RNF169: variants seen among roughly 807,000 people sequenced by gnomAD.
RNF169 encodes ring finger protein 169.
RNF169 carries 24 observed loss-of-function variants against 53.9 expected under a neutral mutation model. That is an observed-to-expected ratio of 0.45 (90% confidence interval 0.32 to 0.63). The LOEUF is 0.63. Ranked by LOEUF, RNF169 falls within the 20% of genes least tolerant of loss-of-function variation. The pLI, the probability that RNF169 is intolerant of heterozygous loss-of-function variation, is 0.04. For synonymous variants in RNF169, 396 were observed against 363.5 expected, an observed-to-expected ratio of 1.09 and a Z score of -1.02; for missense variants, 883 against 906.2, an observed-to-expected ratio of 0.97 and a Z score of 0.33.
chr11:74,769,119 G>A (rs968804810), intron 1 of RNF169, among the ~76,000 whole-genome samples: 5 of 152,174 alleles, frequency 3.3e-5, no homozygotes. Context: ...GATAGTTGCA[G>A]TGAAGTAACT....
At chr11:74,789,137 T>C (rs992376418) in intron 1 of RNF169, among the ~76,000 whole-genome samples, 1 of 152,232 alleles carries the variant, frequency 6.6e-6, no homozygotes. Flanking sequence ...CCGTAGTGGT[T>C]GGAAAAGGTT....
chr11:74,758,312 T>C (rs111326159), intron 1 of RNF169, among the ~76,000 whole-genome samples: 5,018 of 146,060 alleles, frequency 0.034, 85 homozygotes, highest in Middle Eastern at 0.045. Context: ...TAGTTGTTGG[T>C]ATGCGGCGTT....
intron 2 of RNF169, among the ~76,000 whole-genome samples, chr11:74,794,147 T>G (rs189508370): frequency 1.4e-4 from 22 of 152,254 alleles, no homozygotes; most frequent in Non-Finnish European, 5.9e-5. Context: ...GTTCTCTTAG[T>G]AAGGAAGGAG....
At chr11:74,786,740 C>G (rs2035509752) in intron 1 of RNF169, among the ~76,000 whole-genome samples, 1 of 152,166 alleles carries the variant, frequency 6.6e-6, no homozygotes, top group Admixed American at 6.5e-5. Context: ...TCATCTGATC[C>G]TTATAATAAC....
In RNF169 at chr11:74,817,186, A is replaced by C. The variant is rs551909282; in HGVS notation, c.724-410A>C. Among the ~76,000 whole-genome samples, 4 of 152,356 alleles carry C rather than the reference A, an allele frequency of 2.6e-5. No individual in the cohort carries two copies. The South Asian group carries it at 8.3e-4, about 32-fold the overall frequency. On this transcript the variant is annotated intron_variant, in intron 3 of 5. Transcript: ENST00000299563. ...ATGTATTAACCCTGTAATTCTAGGA[A>C]AATTAACTACTCTGAGCCTCAGTTT...
At chr11:74,758,506 T>C (rs1223724048) in intron 1 of RNF169, among the ~76,000 whole-genome samples, 1 of 143,456 alleles carries the variant, frequency 7.0e-6, no homozygotes, top group African/African-American at 2.5e-5. Flanking sequence ...CCATATGAAC[T>C]TTTTTTTTTT....
chr11:74,784,409 A>G (rs972559449), intron 1 of RNF169, among the ~76,000 whole-genome samples: 6 of 152,220 alleles, frequency 3.9e-5, no homozygotes, highest in Non-Finnish European at 7.3e-5. Context: ...ACGTAGTTGT[A>G]TTCTGTGCTG....
chr11:74,764,581 A>G (rs1208047087), intron 1 of RNF169, among the ~76,000 whole-genome samples: 1 of 152,258 alleles, frequency 6.6e-6, no homozygotes, highest in Non-Finnish European at 1.5e-5. Context: ...AGAATTTACC[A>G]CAGTGTTTCT....
In RNF169 at chr11:74,748,876, A is replaced by G. The variant is rs2034833968; in HGVS notation, c.-5A>G. 1.4e-6 allele frequency: 2 copies of G among 1,409,192 alleles called. No homozygotes were observed. The highest frequency in any genetic ancestry group is 1.5e-5 in the African/African-American group (1 of 66,646). The allele number at this position is 1,409,192 out of a possible 1,614,324, so 87.3% of individuals were successfully genotyped here. A position where few individuals can be genotyped will look rare whatever the true frequency, so the allele number is the denominator to read the frequency against. On this transcript the variant is annotated 5_prime_UTR_variant, in exon 1 of 6. Transcript: ENST00000299563. ...AACCGACTCTCCCTTCAAACGGGAAACAAGATGGCGGCTGCAGGTCCGAGT... is the reference window on the plus strand; with the variant it reads ...AACCGACTCTCCCTTCAAACGGGAAGCAAGATGGCGGCTGCAGGTCCGAGT...
intron 2 of RNF169, among the ~76,000 whole-genome samples, chr11:74,804,930 C>G (rs2035784214): frequency 6.6e-6 from 1 of 152,114 alleles, no homozygotes; most frequent in South Asian, 2.1e-4. Context: ...CACTTTCATG[C>G]AGTAGTAGTA....
At chr11:74,778,938 G>T (rs2035377039) in intron 1 of RNF169, among the ~76,000 whole-genome samples, 1 of 152,194 alleles carries the variant, frequency 6.6e-6, no homozygotes, top group African/African-American at 2.4e-5. Context: ...CAGGTGACTT[G>T]CATCTTTCAC....
At chr11:74,791,924 C>T (rs753633168) in intron 2 of RNF169, among the ~76,000 whole-genome samples, 1 of 152,264 alleles carries the variant, frequency 6.6e-6, no homozygotes, top group Non-Finnish European at 1.5e-5. Flanking sequence ...GCCTTTCCCA[C>T]TGCAGCTGGC....
intron 1 of RNF169, among the ~76,000 whole-genome samples, chr11:74,779,818 GGTTTA>G (rs2035390634): frequency 6.6e-6 from 1 of 152,102 alleles, no homozygotes; most frequent in Admixed American, 6.5e-5. Flanking sequence ...GGTTGTTCAA[GGTTTA>G]GTGGATGGTA....
At chr11:74,835,449 C>G in intron 5 of RNF169, 97 bp from the exon 6 acceptor site, 1 of 889,042 alleles carries the variant, frequency 1.1e-6, no homozygotes, top group Non-Finnish European at 1.8e-6. Flanking sequence ...CTTTTCTTGT[C>G]CTCCCCTTCC....
intron 1 of RNF169, among the ~76,000 whole-genome samples, chr11:74,763,306 T>G (rs1018382180): frequency 6.6e-6 from 1 of 152,042 alleles, no homozygotes; most frequent in African/African-American, 2.4e-5. Flanking sequence ...GAAGATGAAT[T>G]TATGATTAAA....
intron 4 of RNF169, among the ~76,000 whole-genome samples, chr11:74,821,380 C>CAGAATAGGCAAATACGTAGA (rs1191987791): frequency 3.1e-5 from 4 of 130,738 alleles, no homozygotes; most frequent in South Asian, 2.5e-4. Context: ...AAGTGCGGGC[C>CAGAATAGGCAAATACGTAGA]GGGCGCGGTG....
At chr11:74,802,801 C>G (rs1485048792) in intron 2 of RNF169, among the ~76,000 whole-genome samples, 1 of 151,956 alleles carries the variant, frequency 6.6e-6, no homozygotes, top group Admixed American at 6.6e-5. Context: ...GAACACAGAC[C>G]CTGTATCTGG....
rs1321535571 is a variant in RNF169 at position 74,837,992 on chromosome 11, T to C, written c.*1262T>C. 1.3e-5 allele frequency: 2 copies of C among 152,310 alleles called. No individual in the cohort carries two copies. Among genetic ancestry groups the C allele is most frequent in the Admixed American group, 1.3e-4 (2 of 15,304 alleles). The allele number at this position is 152,310 out of a possible 1,614,324, so 9.4% of individuals were successfully genotyped here. ...TAGTATGAGTTACTATATAAAGTCA[T>C]GTGACTGGCATTTTAACAGACCTTC... On this transcript the variant is annotated 3_prime_UTR_variant, in exon 6 of 6. Transcript: ENST00000299563.
In RNF169 at chr11:74,749,032, C is replaced by CGCCGCCGTTGCTGCA. The variant is rs971427142; in HGVS notation, c.160_174dup (p.Leu55_Leu59dup). 1 of 1,475,172 alleles carries CGCCGCCGTTGCTGCA rather than the reference C, an allele frequency of 6.8e-7. No homozygotes were observed. Among genetic ancestry groups the CGCCGCCGTTGCTGCA allele is most frequent in the African/African-American group, 1.5e-5 (1 of 68,466 alleles). The allele number at this position is 1,475,172 out of a possible 1,614,324, so 91.4% of individuals were successfully genotyped here. A position where few individuals can be genotyped will look rare whatever the true frequency, so the allele number is the denominator to read the frequency against. ...TCTGGACCTTCGCTGTTGGTGTTGT[C>CGCCGCCGTTGCTGCA]GCCGCCGTTGCTGCAGCCGCCGCTG... On this transcript the variant is annotated inframe_insertion, in exon 1 of 6. Transcript: ENST00000299563.
Sources: allele counts gnomAD v4.1 joint callset (sites outside exome capture counted in the v4.1 genomes callset), GRCh38; gene constraint gnomAD v4.1.1; transcripts MANE v1.5; gene names NCBI Gene and HGNC (gene_info 2026-07-23, HGNC 2026-07-21).